SORCS1: variants seen among roughly 807,000 people sequenced by gnomAD.
The protein encoded by SORCS1 is VPS10 domain-containing receptor SorCS1.
In SORCS1, 60 loss-of-function variants were observed where a neutral mutation model predicts 146.1. The observed-to-expected ratio is 0.41, with a 90% confidence interval of 0.33 to 0.51. The LOEUF (loss-of-function observed/expected upper bound fraction) is 0.51, where lower values mean the gene tolerates loss of function less well. SORCS1 is among the 20% of genes least tolerant of loss of function. The pLI is 0.21. For synonymous variants in SORCS1, 637 were observed against 584.0 expected (o/e 1.09, Z -1.31); for missense variants, 1,352 against 1,487.6 (o/e 0.91, Z 1.50).
At chr10:107,086,833 T>C (rs972588399) in intron 1 of SORCS1, among the ~76,000 whole-genome samples, 1 of 152,150 alleles carries the variant, frequency 6.6e-6, no homozygotes, top group Non-Finnish European at 1.5e-5. Context: ...ATCGAGACCA[T>C]CCTGGCTAAC....
chr10:107,083,713 T>C (rs1214661156), intron 1 of SORCS1, among the ~76,000 whole-genome samples: 1 of 152,184 alleles, frequency 6.6e-6, no homozygotes. Flanking sequence ...AAGCTTTTCT[T>C]CTTCACAAGG....
At position 107,118,261 on chromosome 10, in the gene SORCS1, C is replaced by A. The variant is rs1272257825; in HGVS notation, c.558+45708G>T. Among the ~76,000 whole-genome samples the A allele has an allele frequency of 2.0e-5, 3 of 152,308 alleles. No homozygotes were observed. The South Asian group carries it at 6.2e-4, about 32-fold the overall frequency. ...TGTGGGCTCTCGTCAGACACCAAAT[C>A]CGTTGCTGCCTTGATCTTGGACTTC... On this transcript the variant is annotated intron_variant, in intron 1 of 25. Coordinates refer to ENST00000263054, the MANE Select transcript of SORCS1 (RefSeq NM_052918.5).
intron 24 of SORCS1, among the ~76,000 whole-genome samples, chr10:106,579,728 C>G (rs1844791048): frequency 6.6e-6 from 1 of 151,826 alleles, no homozygotes; most frequent in East Asian, 1.9e-4. Flanking sequence ...GGATTCAGGT[C>G]CCACTCTAAC....
At chr10:106,787,320 A>C (rs1277977179) in intron 3 of SORCS1, among the ~76,000 whole-genome samples, 1 of 152,142 alleles carries the variant, frequency 6.6e-6, no homozygotes, top group Non-Finnish European at 1.5e-5. Context: ...AAATAAACCT[A>C]ATGATTTTCA....
chr10:107,158,344 A>G (rs556631564), intron 1 of SORCS1, among the ~76,000 whole-genome samples: 6 of 152,242 alleles, frequency 3.9e-5, no homozygotes, highest in Non-Finnish European at 8.8e-5. Context: ...TAGTTTTTAA[A>G]TCAAGTAATT....
intron 1 of SORCS1, among the ~76,000 whole-genome samples, chr10:106,961,330 A>C (rs192314361): frequency 6.6e-6 from 1 of 152,312 alleles, no homozygotes; most frequent in Admixed American, 6.5e-5. Context: ...ATAAAATATA[A>C]TTTAGAAGTG....
At chr10:107,134,299 C>A (rs1364694215) in intron 1 of SORCS1, among the ~76,000 whole-genome samples, 1 of 152,118 alleles carries the variant, frequency 6.6e-6, no homozygotes, top group Non-Finnish European at 1.5e-5. Context: ...TCCTACTGAC[C>A]AGCCTCCCTT....
rs553024528 is a variant in SORCS1 at position 106,889,852 on chromosome 10, T to C, written c.627-60179A>G. Among the ~76,000 whole-genome samples, 572 of 134,306 alleles carry C rather than the reference T, an allele frequency of 4.3e-3. 3 individuals are homozygous for C. The highest frequency in any genetic ancestry group is 8.5e-3 in the Middle Eastern group (2 of 234). The allele number at this position is 134,306 out of a possible 152,430, so 88.1% of individuals were successfully genotyped here. ...GTGAGCCGAGATCGCGCCACTGTAC[T>C]CCAGCCTGGGTGACAGAGTGAGACT... On this transcript the variant is annotated intron_variant, in intron 2 of 25. Coordinates refer to ENST00000263054, the MANE Select transcript of SORCS1 (RefSeq NM_052918.5).
chr10:106,798,753 T>C (rs1335170380), intron 3 of SORCS1, among the ~76,000 whole-genome samples: 2 of 152,218 alleles, frequency 1.3e-5, no homozygotes, highest in Non-Finnish European at 2.9e-5. Flanking sequence ...AACATACGTA[T>C]GCATGTGTCT....
At chr10:106,811,456 G>C (rs1947455780) in intron 3 of SORCS1, among the ~76,000 whole-genome samples, 1 of 152,190 alleles carries the variant, frequency 6.6e-6, no homozygotes, top group Non-Finnish European at 1.5e-5. Flanking sequence ...AGATGGAAAA[G>C]TGGCACATGC....
At position 106,679,661 on chromosome 10, in the gene SORCS1, T is replaced by C; in HGVS notation, c.1634A>G (p.Asp545Gly). 1.2e-6 allele frequency: 2 copies of C among 1,612,698 alleles called. No homozygotes were observed. Among genetic ancestry groups the C allele is most frequent in the South Asian group, 1.1e-5 (1 of 90,692 alleles). ...TGCCACTATGATGCTTGGAGCTGTG[T>C]CTTTGCTGGCAATGATCCCTGATGT... is the stretch of plus-strand genomic sequence containing the variant. ...PYTSGIIASK[D>G]TAPSIIVASG... The change falls in exon 11 of 26, where the codon GAC (aspartate) becomes GGC (glycine). Residue 545 changes from aspartate to glycine, a missense_variant. By Grantham distance (94) the Asp-to-Gly change is moderately conservative. Around this residue, in one of 3 missense-constraint regions of SORCS1, gnomAD observed 648 missense variants for 793.8 expected, o/e 0.82. Coordinates refer to ENST00000263054, the MANE Select transcript of SORCS1 (RefSeq NM_052918.5).
intron 2 of SORCS1, among the ~76,000 whole-genome samples, chr10:106,918,316 A>G (rs560459109): frequency 5.3e-5 from 8 of 152,134 alleles, no homozygotes; most frequent in Admixed American, 1.3e-4. Context: ...GCCTGCCACC[A>G]CGCCTGGCTA....
At chr10:106,828,872 T>C (rs1948412567) in intron 3 of SORCS1, among the ~76,000 whole-genome samples, 1 of 152,106 alleles carries the variant, frequency 6.6e-6, no homozygotes, top group Non-Finnish European at 1.5e-5. Flanking sequence ...GGAAAAAGTA[T>C]GACTGCTAAC....
At chr10:106,855,374 G>T (rs201691323) in intron 2 of SORCS1, among the ~76,000 whole-genome samples, 1 of 152,004 alleles carries the variant, frequency 6.6e-6, no homozygotes, top group Non-Finnish European at 1.5e-5. Context: ...TTGTTGCTTT[G>T]TTTTTTGACA....
At chr10:106,883,754 C>T (rs540814137) in intron 2 of SORCS1, among the ~76,000 whole-genome samples, 1 of 152,218 alleles carries the variant, frequency 6.6e-6, no homozygotes, top group South Asian at 2.1e-4. Context: ...ATATCTATTG[C>T]CAGCTCTACT....
chr10:106,917,132 C>T (rs1038187682), intron 2 of SORCS1, among the ~76,000 whole-genome samples: 2 of 152,178 alleles, frequency 1.3e-5, no homozygotes, highest in African/African-American at 4.8e-5. Context: ...GAGGTGTTCC[C>T]AGACCATCCA....
At chr10:107,072,216 T>C (rs1246192523) in intron 1 of SORCS1, among the ~76,000 whole-genome samples, 2 of 152,186 alleles carry the variant, frequency 1.3e-5, no homozygotes, top group Non-Finnish European at 2.9e-5. Flanking sequence ...CACCCTCTGC[T>C]TGCAGAGCTT....
At chr10:106,957,236 C>T (rs1955002001) in intron 1 of SORCS1, among the ~76,000 whole-genome samples, 2 of 148,280 alleles carry the variant, frequency 1.3e-5, no homozygotes, top group East Asian at 2.0e-4. Flanking sequence ...TGCAGTGGCA[C>T]GATCTCGGCT....
intron 3 of SORCS1, among the ~76,000 whole-genome samples, chr10:106,825,274 T>G (rs994714905): frequency 1.3e-5 from 2 of 148,224 alleles, no homozygotes; most frequent in African/African-American, 5.0e-5. Flanking sequence ...TTCAACTTTT[T>G]TTTTTTTTTT....
Sources: gnomAD v4.1 joint callset for allele counts (sites outside exome capture counted in the v4.1 genomes callset) on GRCh38, gnomAD v4.1.1 for gene constraint, gnomAD v4.1.1 regional missense constraint, MANE v1.5 for transcripts, NCBI Gene and HGNC (gene_info 2026-07-23, HGNC 2026-07-21) for gene names.